The following RFPL4B variants were observed in gnomAD, a reference collection of about 807,000 sequenced individuals.
The protein encoded by RFPL4B is ret finger protein like 4B.
For missense variants in RFPL4B, 314 were observed against 327.7 expected (o/e 0.96, Z 0.32); for synonymous variants, 118 against 126.3 (o/e 0.93, Z 0.44).
chr6:112,347,861 C>T (rs1323834653), intron 1 of RFPL4B, among the ~76,000 whole-genome samples: 3 of 152,056 alleles, frequency 2.0e-5, no homozygotes, highest in Non-Finnish European at 4.4e-5. Flanking sequence ...GTAATCCCAG[C>T]TACTCAGGAG....
Position 112,349,006 on chromosome 6 carries a change from C to T in RFPL4B, c.-234-187C>T, listed in dbSNP as rs113635629. On this transcript the variant is annotated intron_variant, in intron 1 of 2. Coordinates refer to ENST00000441065, the MANE Select transcript of RFPL4B (RefSeq NM_001013734.3). The stretch of plus-strand genomic sequence containing the variant: ...AGCATTTCATCTAATAACACTTTGT[C>T]CTTAAACTTGATTCTTTTATGGGCT... Among the ~76,000 whole-genome samples, 492 of 152,274 alleles carry T rather than the reference C, an allele frequency of 3.2e-3. 5 individuals carry two copies. The highest frequency in any genetic ancestry group is 0.011 in the African/African-American group (463 of 41,550).
Position 112,350,130 on chromosome 6 carries a change from TCTC to T in RFPL4B, c.427_429del (p.Ser143del), listed in dbSNP as rs1789134599. Reference sequence around the variant, plus strand: ...GCCTGTGTCCTGGGTACTCCCTGCTTCTCCTCCGGCCAACATTACTGGGAGGTT... The same window carrying T: ...GCCTGTGTCCTGGGTACTCCCTGCTTCTCCGGCCAACATTACTGGGAGGTT... On this transcript the variant is annotated inframe_deletion, in exon 3 of 3. Coordinates refer to ENST00000441065, the MANE Select transcript of RFPL4B (RefSeq NM_001013734.3). 1 of 1,613,982 alleles carries T rather than the reference TCTC, an allele frequency of 6.2e-7. No individual in the cohort carries two copies. Among genetic ancestry groups the T allele is most frequent in the African/African-American group, 1.3e-5 (1 of 74,890 alleles).
chr6:112,347,517 G>GT (rs2114258807), intron 1 of RFPL4B, 110 bp downstream of exon 1: 1 of 152,294 alleles, frequency 6.6e-6, no homozygotes, highest in Non-Finnish European at 1.5e-5. Context: ...GAAAGAACTA[G>GT]TTTTTTCCTG....
Position 112,350,396 on chromosome 6 carries a change from T to C in RFPL4B, c.688T>C (p.Tyr230His). The part of the protein sequence containing the change: ...FFDVDNNVLI[Y>H]THDGFFSLEL... ...TGATGTTGACAATAATGTCCTCATC[T>C]ATACACATGATGGTTTCTTCTCTTT... Residue 230 changes from tyrosine to histidine, a missense_variant, in exon 3 of 3, where the codon TAT becomes CAT. Coordinates refer to ENST00000441065, the MANE Select transcript of RFPL4B (RefSeq NM_001013734.3). 6.2e-7 allele frequency: 1 copy of C among 1,613,988 alleles called. No homozygotes were observed. Among genetic ancestry groups the C allele is most frequent in the East Asian group, 2.2e-5 (1 of 44,890 alleles).
rs142366862 is a variant in RFPL4B at position 112,349,988 on chromosome 6, C to T, written c.280C>T (p.Arg94Trp). Reference sequence around the variant, plus strand: ...CGTGAGGGAGGAGCTCCGGCATTTTCGGGAGGATGTGACCCTGGATGCAGC... The same window carrying T: ...CGTGAGGGAGGAGCTCCGGCATTTTTGGGAGGATGTGACCCTGGATGCAGC... The part of the protein sequence containing the change: ...LHVREELRHF[R>W]EDVTLDAATA... Residue 94 changes from arginine to tryptophan, a missense_variant, in exon 3 of 3, where the codon CGG becomes TGG. Transcript: ENST00000441065. The T allele has an allele frequency of 4.1e-4, 657 of 1,614,082 alleles. 1 individual carries two copies. Among genetic ancestry groups the T allele is most frequent in the Non-Finnish European group, 5.3e-4 (625 of 1,180,032 alleles).
chr6:112,347,595 T>C (rs1472018701), intron 1 of RFPL4B, among the ~76,000 whole-genome samples, 188 bp downstream of exon 1: 3 of 152,246 alleles, frequency 2.0e-5, no homozygotes, highest in African/African-American at 7.2e-5. Flanking sequence ...GAACCTCAGG[T>C]CACTCTTTGC....
In RFPL4B at chr6:112,350,808, C is replaced by A; in HGVS notation, c.*308C>A. 3.8e-6 allele frequency: 1 copy of A among 262,360 alleles called. No individual in the cohort carries two copies. The highest frequency in any genetic ancestry group is 7.8e-6 in the Non-Finnish European group (1 of 128,206). 16.3% of individuals were successfully genotyped at this position (262,360 alleles called of 1,614,324 possible). A position where few individuals can be genotyped will look rare whatever the true frequency, so the allele number is the denominator to read the frequency against. On this transcript the variant is annotated 3_prime_UTR_variant, in exon 3 of 3. Coordinates refer to ENST00000441065, the MANE Select transcript of RFPL4B (RefSeq NM_001013734.3). ...TGTGGTAATTAGAGACAATACTATG[C>A]CTTTGTCTTATAGTAAATAACAAAT...
rs1789141579 is a variant in RFPL4B, at chr6:112,350,565, G to A, written c.*65G>A. The A allele has an allele frequency of 2.4e-6, 3 of 1,240,914 alleles. No individual in the cohort carries two copies. The highest frequency in any genetic ancestry group is 3.4e-6 in the Non-Finnish European group (3 of 884,776). The allele number at this position is 1,240,914 out of a possible 1,614,324, so 76.9% of individuals were successfully genotyped here. ...GAGAATTTTGGCCTGAGAAAGGTCA[G>A]CATGATTGAGGAAGAGATAATGTGC... On this transcript the variant is annotated 3_prime_UTR_variant, in exon 3 of 3. Coordinates refer to ENST00000441065, the MANE Select transcript of RFPL4B (RefSeq NM_001013734.3).
Position 112,350,484 on chromosome 6 carries a change from T to G in RFPL4B, c.776T>G (p.Leu259Arg). Residue 259 changes from leucine (L) to arginine (R), a missense_variant, in exon 3 of 3, where the codon CTG (leucine) becomes CGG (arginine). Leu to Arg is a moderately radical substitution (Grantham distance 102). Transcript: ENST00000441065. ...LLGEGESGNV[L>R]TICP is the part of the protein sequence containing the mutation. ...GGAGAAGGGGAGAGTGGCAACGTCC[T>G]GACCATCTGCCCATGAGAAAGTCAG... is the stretch of plus-strand genomic sequence containing the variant. 1 of 1,588,734 alleles carries G rather than the reference T, an allele frequency of 6.3e-7. No homozygotes were observed.
chr6:112,349,824 T>C lies in RFPL4B; in HGVS notation c.116T>C (p.Ile39Thr), dbSNP rs1789127517. 9 of 1,614,198 alleles carry C rather than the reference T, an allele frequency of 5.6e-6. No individual in the cohort carries two copies. In the East Asian group the frequency reaches 2.0e-4, roughly 36 times the overall value. Residue 39 changes from isoleucine (I) to threonine (T), a missense_variant, in exon 3 of 3, where the codon ATA becomes ACA. Ile to Thr is a moderately conservative substitution (Grantham distance 89). Coordinates refer to ENST00000441065, the MANE Select transcript of RFPL4B (RefSeq NM_001013734.3). The stretch of plus-strand genomic sequence containing the variant: ...TGCTTTGATTGCATCCAGAGGTATA[T>C]ACTAGAAAACCATGATTTTAGAGCG... ...VFCFDCIQRY[I>T]LENHDFRAMC...
intron 1 of RFPL4B, 77 bp downstream of exon 1, chr6:112,347,484 C>T (rs1464366907): frequency 1.3e-5 from 2 of 152,198 alleles, no homozygotes; most frequent in Admixed American, 1.3e-4. Context: ...TTTCGAATGC[C>T]TTTAACTATT....
rs1194772791 is a variant in RFPL4B, at chr6:112,349,743, C to T, written c.35C>T (p.Pro12Leu). ...CGCCTGCAAGCAGAGTTGTCCTGTC[C>T]AGTTTGCCTGGATTTTTTCTCCTGT... Reference protein sequence around the residue: ...AKRLQAELSCPVCLDFFSCSI... With the variant: ...AKRLQAELSCLVCLDFFSCSI... Residue 12 changes from proline to leucine, a missense_variant, in exon 3 of 3, where the codon CCA becomes CTA. Pro to Leu is a moderately conservative substitution (Grantham distance 98, BLOSUM62 -3). Transcript: ENST00000441065. 2 of 1,613,920 alleles carry T rather than the reference C, an allele frequency of 1.2e-6. No individual in the cohort carries two copies. The highest frequency in any genetic ancestry group is 1.7e-6 in the Non-Finnish European group (2 of 1,180,014).
chr6:112,348,935 A>T (rs922241365), intron 1 of RFPL4B, among the ~76,000 whole-genome samples: 1 of 152,198 alleles, frequency 6.6e-6, no homozygotes, highest in African/African-American at 2.4e-5. Flanking sequence ...TTATATTTTT[A>T]TTCACATTAA....
chr6:112,350,551 C>G lies in RFPL4B; in HGVS notation c.*51C>G. ...TCTGAGAGGTGAAAGAGAATTTTGGCCTGAGAAAGGTCAGCATGATTGAGG... is the reference window on the plus strand; with the variant it reads ...TCTGAGAGGTGAAAGAGAATTTTGGGCTGAGAAAGGTCAGCATGATTGAGG... On this transcript the variant is annotated 3_prime_UTR_variant, in exon 3 of 3. Transcript: ENST00000441065. 7.0e-7 allele frequency: 1 copy of G among 1,433,172 alleles called. No homozygotes were observed. Among genetic ancestry groups the G allele is most frequent in the Non-Finnish European group, 9.5e-7 (1 of 1,056,830 alleles). The allele number at this position is 1,433,172 out of a possible 1,614,324, so 88.8% of individuals were successfully genotyped here.
At position 112,349,735 on chromosome 6, in the gene RFPL4B, G is replaced by A; in HGVS notation, c.27G>A (p.Leu9=). The change falls in exon 3 of 3, where the codon TTG becomes TTA. Residue 9 remains leucine (L), a synonymous_variant. Coordinates refer to ENST00000441065, the MANE Select transcript of RFPL4B (RefSeq NM_001013734.3). ...TGGCCAAACGCCTGCAAGCAGAGTT[G>A]TCCTGTCCAGTTTGCCTGGATTTTT... MAKRLQAE[L]SCPVCLDFFS... 2 of 1,614,074 alleles carry A rather than the reference G, an allele frequency of 1.2e-6. No homozygotes were observed. The highest frequency in any genetic ancestry group is 8.5e-7 in the Non-Finnish European group (1 of 1,179,998).
chr6:112,347,845 A>G (rs908381160), intron 1 of RFPL4B, among the ~76,000 whole-genome samples: 3 of 152,160 alleles, frequency 2.0e-5, no homozygotes, highest in Admixed American at 6.5e-5. Context: ...GTGGTGGCAC[A>G]TGCTTGTAAT....
At chr6:112,347,940 C>T (rs999077269) in intron 1 of RFPL4B, among the ~76,000 whole-genome samples, 17 of 152,122 alleles carry the variant, frequency 1.1e-4, no homozygotes, top group African/African-American at 3.9e-4. Flanking sequence ...AGCCACTGCA[C>T]CCCCAGCCTG....
Position 112,350,757 on chromosome 6 carries a change from G to C in RFPL4B, c.*257G>C, listed in dbSNP as rs953987505. On this transcript the variant is annotated 3_prime_UTR_variant, in exon 3 of 3. Coordinates refer to ENST00000441065, the MANE Select transcript of RFPL4B (RefSeq NM_001013734.3). ...CTTCAGTTTTCTAGTCTGTAGATGC[G>C]GATAATTGTATCTCAGTCAAACAGC... 4 of 379,552 alleles carry C rather than the reference G, an allele frequency of 1.1e-5. No homozygotes were observed. The highest frequency in any genetic ancestry group is 2.0e-5 in the Non-Finnish European group (4 of 202,968). The allele number at this position is 379,552 out of a possible 1,614,324, so 23.5% of individuals were successfully genotyped here. A position where few individuals can be genotyped will look rare whatever the true frequency, so the allele number is the denominator to read the frequency against.
rs749364668 is a variant in RFPL4B at position 112,349,657 on chromosome 6, A to G, written c.-52A>G. 1.3e-5 allele frequency: 20 copies of G among 1,542,764 alleles called. No individual in the cohort carries two copies. Among genetic ancestry groups the G allele is most frequent in the East Asian group, 2.3e-5 (1 of 44,286 alleles). ...GGCTCCCAAGTGCTTCCAGAAGCCA[A>G]TAAAGGATCACTTCAGTTTACTTCA... On this transcript the variant is annotated 5_prime_UTR_variant, in exon 3 of 3. Coordinates refer to ENST00000441065, the MANE Select transcript of RFPL4B (RefSeq NM_001013734.3).
Sources: allele counts gnomAD v4.1 joint callset (sites outside exome capture counted in the v4.1 genomes callset), GRCh38; gene constraint gnomAD v4.1.1; transcripts MANE v1.5; gene names NCBI Gene and HGNC (gene_info 2026-07-23, HGNC 2026-07-21).